SCAF11: variants seen among roughly 807,000 people sequenced by gnomAD.
SCAF11 encodes SR-related CTD associated factor 11.
A neutral mutation model predicts 140.5 loss-of-function variants in SCAF11; 47 were observed. The observed-to-expected ratio is 0.33, with a 90% confidence interval of 0.26 to 0.43. The LOEUF (loss-of-function observed/expected upper bound fraction) is 0.43, where lower values mean the gene tolerates loss of function less well. Ranked by LOEUF, SCAF11 falls within the 20% of genes least tolerant of loss-of-function variation. The pLI is 1.00. For missense variants in SCAF11, 1,645 were observed against 1,705.1 expected (o/e 0.96, Z 0.62); for synonymous variants, 557 against 579.4 (o/e 0.96, Z 0.55).
At chr12:45,972,369 G>A (rs1946092866) in intron 1 of SCAF11, among the ~76,000 whole-genome samples, 1 of 151,936 alleles carries the variant, frequency 6.6e-6, no homozygotes, top group Non-Finnish European at 1.5e-5. Context: ...ACTGCTTAAA[G>A]CTAGTAGTTA....
intron 1 of SCAF11, among the ~76,000 whole-genome samples, chr12:45,977,029 G>C (rs531815847): frequency 7.2e-5 from 11 of 151,930 alleles, no homozygotes; most frequent in Non-Finnish European, 1.5e-4. Flanking sequence ...AAGAAACCTC[G>C]AGGCCCACAT....
At position 45,924,757 on chromosome 12, in the gene SCAF11, C is replaced by G. The variant is rs1944807770; in HGVS notation, c.3877G>C (p.Ala1293Pro). The G allele has an allele frequency of 1.8e-6, 2 of 1,126,172 alleles. No homozygotes were observed. Among genetic ancestry groups the G allele is most frequent in the Non-Finnish European group, 2.6e-6 (2 of 763,022 alleles). The allele number at this position is 1,126,172 out of a possible 1,614,324, so 69.8% of individuals were successfully genotyped here. A position where few individuals can be genotyped will look rare whatever the true frequency, so the allele number is the denominator to read the frequency against. Reference sequence around the variant, plus strand: ...AATTGCTTTCCATCTGGTTGTGAAGCAATGTAGTTGACTTGTTGGGATGGT... The same window carrying G: ...AATTGCTTTCCATCTGGTTGTGAAGGAATGTAGTTGACTTGTTGGGATGGT... Reference protein sequence around the residue: ...PPPSQQVNYIASQPDGKQLQG... With the variant: ...PPPSQQVNYIPSQPDGKQLQG... The change falls in exon 12 of 15, where the codon GCT becomes CCT. Residue 1293 changes from alanine (A) to proline (P), a missense_variant. Around this residue, in one of 2 missense-constraint regions of SCAF11, gnomAD observed 1,582 missense variants for 1,609.2 expected, o/e 0.98. Transcript: ENST00000369367.
chr12:45,935,518 A>ATGTTCCTTAGAAATAACCATGTT (rs1945152126), intron 6 of SCAF11, among the ~76,000 whole-genome samples: 3 of 152,106 alleles, frequency 2.0e-5, no homozygotes, highest in Admixed American at 2.0e-4. Flanking sequence ...CACAGATAAC[A>ATGTTCCTTAGAAATAACCATGTT]CTCTTAGAAA....
chr12:45,919,936 G>T lies in SCAF11; in HGVS notation c.*2112C>A, dbSNP rs969262500. On this transcript the variant is annotated 3_prime_UTR_variant, in exon 15 of 15. Coordinates refer to ENST00000369367, the MANE Select transcript of SCAF11 (RefSeq NM_004719.3). ...AGAAAATGCAGGAAAAGTATGTATTGTGTGATTAATCAGCTTAGGCTTAAC... is the reference window on the plus strand; with the variant it reads ...AGAAAATGCAGGAAAAGTATGTATTTTGTGATTAATCAGCTTAGGCTTAAC... 2.0e-4 allele frequency: 31 copies of T among 152,204 alleles called. 1 individual carries two copies. The highest frequency in any genetic ancestry group is 4.4e-5 in the Non-Finnish European group (3 of 68,032). The allele number at this position is 152,204 out of a possible 1,614,324, so 9.4% of individuals were successfully genotyped here.
At chr12:45,933,089 G>A (rs1451667725) in intron 9 of SCAF11, 42 bp downstream of exon 9, 1 of 1,306,958 alleles carries the variant, frequency 7.7e-7, no homozygotes, top group African/African-American at 1.5e-5. Flanking sequence ...TCTTGTTCAT[G>A]TTAGCATGTA....
intron 1 of SCAF11, among the ~76,000 whole-genome samples, chr12:45,983,622 T>C (rs1288835253): frequency 2.0e-5 from 3 of 151,990 alleles, no homozygotes; most frequent in Admixed American, 2.0e-4. Context: ...CTTAGATAAA[T>C]GTTATTAAAA....
chr12:45,928,749 T>C lies in SCAF11; in HGVS notation c.952A>G (p.Thr318Ala), dbSNP rs1390674204. Reference protein sequence around the residue: ...RGSRRKPAMTTPTRRSTRNTR... With the variant: ...RGSRRKPAMTAPTRRSTRNTR... ...TTACGTGTAGACCTCCTTGTAGGAG[T>C]TGTCATTGCAGGTTTTCGTCTTGAT... is the stretch of plus-strand genomic sequence containing the variant. The change falls in exon 11 of 15, where the codon ACT (threonine) becomes GCT (alanine). Residue 318 changes from threonine to alanine, a missense_variant. Thr to Ala is a moderately conservative substitution (Grantham distance 58, BLOSUM62 0). Around this residue, in one of 2 missense-constraint regions of SCAF11, gnomAD observed 1,582 missense variants for 1,609.2 expected, o/e 0.98. Transcript: ENST00000369367. 3.1e-6 allele frequency: 5 copies of C among 1,613,538 alleles called. No individual in the cohort carries two copies. The highest frequency in any genetic ancestry group is 1.3e-5 in the African/African-American group (1 of 74,826).
At chr12:45,943,195 C>T (rs1018893777) in intron 6 of SCAF11, among the ~76,000 whole-genome samples, 9 of 152,130 alleles carry the variant, frequency 5.9e-5, no homozygotes, top group Admixed American at 1.3e-4. Flanking sequence ...CTATTAATAA[C>T]GAAATGGATA....
At chr12:45,958,272 C>A (rs918741447) in intron 3 of SCAF11, among the ~76,000 whole-genome samples, 81 of 152,288 alleles carry the variant, frequency 5.3e-4, no homozygotes, top group East Asian at 3.9e-4. Context: ...TGTAGGAAAT[C>A]ATAATTGTCA....
chr12:45,927,410 T>G lies in SCAF11; in HGVS notation c.2291A>C (p.Asp764Ala). ...ENNMPSSDLA[D>A]EKVETVSQPS... ...TTGAGAAACAGTTTCAACCTTTTCA[T>G]CCGCAAGATCAGAAGACGGCATATT... Residue 764 changes from aspartate to alanine, a missense_variant, in exon 11 of 15, where the codon GAT becomes GCT. Asp to Ala is a moderately radical substitution (Grantham distance 126). Transcript: ENST00000369367. 6.2e-7 allele frequency: 1 copy of G among 1,613,964 alleles called. No homozygotes were observed. Among genetic ancestry groups the G allele is most frequent in the Middle Eastern group, 1.6e-4 (1 of 6,062 alleles).
At chr12:45,990,009 G>T (rs1463563494) in intron 1 of SCAF11, among the ~76,000 whole-genome samples, 4 of 151,858 alleles carry the variant, frequency 2.6e-5, no homozygotes, top group Non-Finnish European at 5.9e-5. Context: ...ACCCGGACGG[G>T]GACAGGCTTC....
intron 1 of SCAF11, among the ~76,000 whole-genome samples, chr12:45,973,035 G>GAT (rs1286421169): frequency 4.8e-5 from 7 of 145,634 alleles, no homozygotes; most frequent in Non-Finnish European, 1.0e-4. Context: ...TATAGATATA[G>GAT]ATATATAGAT....
rs199820146 is a variant in SCAF11 at position 45,937,877 on chromosome 12, C to T, written c.464-3372G>A. On this transcript the variant is annotated intron_variant, in intron 6 of 14. Transcript: ENST00000369367. ...TAAATCTCCAGTCTTTCATTGGGTACTCCCCTTCCTCTACCCACAGCCAGG... is the reference window on the plus strand; with the variant it reads ...TAAATCTCCAGTCTTTCATTGGGTATTCCCCTTCCTCTACCCACAGCCAGG... 7.9e-5 allele frequency among the ~76,000 whole-genome samples: 12 copies of T among 152,210 alleles called. No homozygotes were observed. The East Asian group carries it at 2.3e-3, about 29-fold the overall frequency.
intron 3 of SCAF11, among the ~76,000 whole-genome samples, chr12:45,959,803 GGTTT>G (rs1273413757): frequency 1.3e-5 from 2 of 152,042 alleles, no homozygotes; most frequent in African/African-American, 2.4e-5. Flanking sequence ...TCAACTGAAA[GGTTT>G]ATTTAAATGA....
rs752376610 is a variant in SCAF11 at position 45,922,213 on chromosome 12, G to C, written c.4246-19C>G. 6.3e-7 allele frequency: 1 copy of C among 1,584,804 alleles called. No individual in the cohort carries two copies. The highest frequency in any genetic ancestry group is 8.5e-7 in the Non-Finnish European group (1 of 1,172,312). On this transcript the variant is annotated intron_variant, in intron 14 of 14. Coordinates refer to ENST00000369367, the MANE Select transcript of SCAF11 (RefSeq NM_004719.3). ...GACAAACCTAAGAAAAAAGGGGTGGGGGGTAAACTTTTTTCATGCTTAAAG... is the reference window on the plus strand; with the variant it reads ...GACAAACCTAAGAAAAAAGGGGTGGCGGGTAAACTTTTTTCATGCTTAAAG...
intron 12 of SCAF11, among the ~76,000 whole-genome samples, chr12:45,924,500 C>T (rs1175198869): frequency 6.6e-6 from 1 of 152,048 alleles, no homozygotes; most frequent in African/African-American, 2.4e-5. Context: ...TAAGTAACAG[C>T]ATATATGTAG....
chr12:45,923,428 T>C (rs1485771332), intron 12 of SCAF11, among the ~76,000 whole-genome samples: 2 of 152,086 alleles, frequency 1.3e-5, no homozygotes, highest in Non-Finnish European at 2.9e-5. Flanking sequence ...AGGAGGAGAA[T>C]AGCATTTAAA....
At chr12:45,954,716 T>C (rs1010367231) in intron 3 of SCAF11, 3 of 149,500 alleles carry the variant, frequency 2.0e-5, no homozygotes, top group Non-Finnish European at 4.4e-5. Context: ...GATACATGCA[T>C]GTATCACCGT....
At chr12:45,961,076 T>G in intron 3 of SCAF11, 1 of 411,630 alleles carries the variant, frequency 2.4e-6, no homozygotes, top group Non-Finnish European at 4.4e-6. Context: ...TGTTTCTTAT[T>G]CACTGTCTAT....
Sources: gnomAD v4.1 joint callset for allele counts (sites outside exome capture counted in the v4.1 genomes callset) on GRCh38, gnomAD v4.1.1 for gene constraint, gnomAD v4.1.1 regional missense constraint, MANE v1.5 for transcripts, NCBI Gene and HGNC (gene_info 2026-07-23, HGNC 2026-07-21) for gene names.